The following LRP1B variants were observed in gnomAD, a reference collection of about 807,000 sequenced individuals.
The protein encoded by LRP1B is LDL receptor related protein 1B.
In LRP1B, 217 loss-of-function variants were observed where a neutral mutation model predicts 556.6. That is an observed-to-expected ratio of 0.39 (90% confidence interval 0.35 to 0.44). The LOEUF is 0.44. Among genes scored for constraint, LRP1B ranks in the 20% least tolerant of loss-of-function variants. The probability of loss-of-function intolerance (pLI) is 1.00; values close to 1 mark genes in which losing one functional copy is unlikely to be tolerated. For missense variants in LRP1B, 5,053 were observed against 5,620.8 expected, an observed-to-expected ratio of 0.90 and a Z score of 3.23; for synonymous variants, 2,047 against 1,865.8, an observed-to-expected ratio of 1.10 and a Z score of -2.50.
At chr2:141,546,585 C>T (rs971496587) in intron 2 of LRP1B, among the ~76,000 whole-genome samples, 7 of 152,160 alleles carry the variant, frequency 4.6e-5, no homozygotes, top group East Asian at 1.9e-4. Context: ...AACCTAAACA[C>T]GTATTGAGTA....
intron 3 of LRP1B, among the ~76,000 whole-genome samples, chr2:141,310,441 A>G (rs1320237759): frequency 6.6e-6 from 1 of 152,192 alleles, no homozygotes. Context: ...TCTGTTTAAA[A>G]CATCTAACAT....
chr2:141,363,994 G>A (rs1249513825), intron 3 of LRP1B, among the ~76,000 whole-genome samples: 8 of 151,740 alleles, frequency 5.3e-5, no homozygotes, highest in Non-Finnish European at 4.4e-5. Context: ...AAATTTCTAG[G>A]GTTTTATGGA....
intron 2 of LRP1B, among the ~76,000 whole-genome samples, chr2:141,592,058 GC>G (rs1687359075): frequency 6.6e-6 from 1 of 151,882 alleles, no homozygotes; most frequent in Admixed American, 6.6e-5. Context: ...CTTCTTTGAT[GC>G]CCCACCACTC....
chr2:140,988,913 A>G (rs1261058627), intron 17 of LRP1B, among the ~76,000 whole-genome samples: 2 of 152,084 alleles, frequency 1.3e-5, no homozygotes, highest in African/African-American at 2.4e-5. Flanking sequence ...TTCAACATTT[A>G]TCTGATTAAT....
chr2:140,436,846 C>G lies in LRP1B; in HGVS notation c.10414+5658G>C, dbSNP rs192905559. On this transcript the variant is annotated intron_variant, in intron 66 of 90. Coordinates refer to ENST00000389484, the MANE Select transcript of LRP1B (RefSeq NM_018557.3). ...CCAAGACCTGGAAAGATAAGTGTCA[C>G]ACTCACCTGGATTTACCATGGGAAA... 2.0e-5 allele frequency among the ~76,000 whole-genome samples: 3 copies of G among 152,206 alleles called. No individual in the cohort carries two copies. The East Asian group carries it at 5.8e-4, about 29-fold the overall frequency.
intron 72 of LRP1B, 84 bp downstream of exon 72, chr2:140,364,577 T>G (rs2105150805): frequency 1.3e-6 from 2 of 1,506,386 alleles, no homozygotes; most frequent in South Asian, 2.5e-5. Flanking sequence ...TAATTGGTAG[T>G]TCACCTCCCC....
intron 1 of LRP1B, among the ~76,000 whole-genome samples, chr2:141,959,968 T>C (rs1396861045): frequency 6.6e-6 from 1 of 151,890 alleles, no homozygotes; most frequent in African/African-American, 2.4e-5. Context: ...GCATAAAATG[T>C]AGGAAAAATA....
At chr2:141,096,629 G>A (rs10183089) in intron 7 of LRP1B, among the ~76,000 whole-genome samples, 23,355 of 58,892 alleles carry the variant, frequency 0.4, 5,671 homozygotes, top group East Asian at 0.59. Context: ...GGGGAGAGGG[G>A]GAGAGAGAGA....
intron 18 of LRP1B, among the ~76,000 whole-genome samples, chr2:140,980,128 G>A (rs933590615): frequency 4.0e-5 from 6 of 151,830 alleles, no homozygotes; most frequent in Non-Finnish European, 7.4e-5. Context: ...GAGAAAATCA[G>A]ATCAAAGACC....
At chr2:141,755,842 T>C (rs1389602938) in intron 2 of LRP1B, among the ~76,000 whole-genome samples, 2 of 151,992 alleles carry the variant, frequency 1.3e-5, no homozygotes, top group African/African-American at 4.8e-5. Context: ...TGTAGATTTA[T>C]ATATTTACTG....
At chr2:141,753,663 C>A (rs1694213521) in intron 2 of LRP1B, among the ~76,000 whole-genome samples, 1 of 152,080 alleles carries the variant, frequency 6.6e-6, no homozygotes, top group Non-Finnish European at 1.5e-5. Context: ...AAAACAACAT[C>A]AAGTCACTTC....
At chr2:141,044,863 G>A (rs866655476) in intron 11 of LRP1B, among the ~76,000 whole-genome samples, 3,729 of 151,344 alleles carry the variant, frequency 0.025, 69 homozygotes, top group Non-Finnish European at 0.033. Context: ...TCAGTGTGGC[G>A]ATTCCTCAGT....
chr2:141,669,039 G>A (rs750551819), intron 2 of LRP1B, among the ~76,000 whole-genome samples: 2 of 152,144 alleles, frequency 1.3e-5, no homozygotes, highest in Non-Finnish European at 2.9e-5. Flanking sequence ...TTCTGAGTTA[G>A]TTTGTGTTCT....
chr2:140,917,334 A>G (rs541656957), intron 21 of LRP1B, among the ~76,000 whole-genome samples: 3 of 152,164 alleles, frequency 2.0e-5, no homozygotes, highest in Non-Finnish European at 4.4e-5. Context: ...TATCCTGTAA[A>G]TGGACTCCCT....
At chr2:141,133,847 C>T (rs1487106496) in intron 7 of LRP1B, among the ~76,000 whole-genome samples, 1 of 151,930 alleles carries the variant, frequency 6.6e-6, no homozygotes, top group East Asian at 1.9e-4. Context: ...ATTTTTAAAT[C>T]TTAAGTCCAG....
At chr2:140,328,872 G>A (rs1181650615) in intron 79 of LRP1B, among the ~76,000 whole-genome samples, 3 of 151,874 alleles carry the variant, frequency 2.0e-5, no homozygotes, top group Non-Finnish European at 4.4e-5. Flanking sequence ...TCAAATAACA[G>A]CAAAATAATC....
At chr2:142,003,644 G>A (rs1352348799) in intron 1 of LRP1B, among the ~76,000 whole-genome samples, 3 of 152,224 alleles carry the variant, frequency 2.0e-5, no homozygotes, top group African/African-American at 7.2e-5. Context: ...CCATGGCAGA[G>A]TAATGAAATG....
Position 142,004,691 on chromosome 2 carries a change from T to C in LRP1B, c.82+125957A>G, listed in dbSNP as rs535248469. On this transcript the variant is annotated intron_variant, in intron 1 of 90. Coordinates refer to ENST00000389484, the MANE Select transcript of LRP1B (RefSeq NM_018557.3). ...CAAAACCCCGTCTTTACTAAAAATA[T>C]GAAAATTAGCTGGGCGTGGTAGAAG... Among the ~76,000 whole-genome samples the C allele has an allele frequency of 5.3e-4, 81 of 151,860 alleles. No individual in the cohort carries two copies. The East Asian group carries it at 0.015, about 28-fold the overall frequency.
At chr2:140,455,754 C>G (rs577936704) in intron 62 of LRP1B, among the ~76,000 whole-genome samples, 1 of 152,260 alleles carries the variant, frequency 6.6e-6, no homozygotes, top group East Asian at 1.9e-4. Flanking sequence ...AGAAAATCAG[C>G]AAACTCAAAC....
Sources: allele counts gnomAD v4.1 joint callset (sites outside exome capture counted in the v4.1 genomes callset), GRCh38; gene constraint gnomAD v4.1.1; transcripts MANE v1.5; gene names NCBI Gene and HGNC (gene_info 2026-07-23, HGNC 2026-07-21).